GBE1: variants seen among roughly 807,000 people sequenced by gnomAD.
GBE1 encodes 1,4-alpha-glucan branching enzyme 1.
In GBE1, 70 loss-of-function variants were observed where a neutral mutation model predicts 88.8. The ratio of observed to expected loss-of-function variants is 0.79; its 90% CI spans 0.65 to 0.96. The LOEUF (loss-of-function observed/expected upper bound fraction) is 0.96. GBE1 is among the 40% of genes least tolerant of loss of function. The pLI is 0.00. For synonymous variants in GBE1, 284 were observed against 300.1 expected, an observed-to-expected ratio of 0.95 and a Z score of 0.56; for missense variants, 872 against 871.0, an observed-to-expected ratio of 1.00 and a Z score of -0.01.
intron 2 of GBE1, among the ~76,000 whole-genome samples, chr3:81,674,360 T>C (rs1452960092): frequency 6.6e-6 from 1 of 151,884 alleles, no homozygotes; most frequent in Non-Finnish European, 1.5e-5. Flanking sequence ...AACAGAATAA[T>C]CAGGAAAATC....
chr3:81,631,416 T>C (rs1576177631), intron 7 of GBE1, among the ~76,000 whole-genome samples: 3 of 151,930 alleles, frequency 2.0e-5, no homozygotes, highest in African/African-American at 7.3e-5. Context: ...CCGGTAACTT[T>C]AACTTAATCT....
rs1706510229 is a variant in GBE1 at position 81,750,655 on chromosome 3, A to ACACG, written c.143+10719_143+10720insCGTG. 7.3e-5 allele frequency among the ~76,000 whole-genome samples: 4 copies of ACACG among 54,670 alleles called. 1 individual carries two copies. Among genetic ancestry groups the ACACG allele is most frequent in the African/African-American group, 5.7e-4 (4 of 6,974 alleles). The allele number at this position is 54,670 out of a possible 152,430, so 35.9% of individuals were successfully genotyped here. ...CGTATATATATATATGTATATATAT[A>ACACG]TATGTATATATATATATACGTATAT... On this transcript the variant is annotated intron_variant, in intron 1 of 15. Transcript: ENST00000429644.
chr3:81,743,426 A>T lies in GBE1; in HGVS notation c.143+17949T>A, dbSNP rs1706378262. On this transcript the variant is annotated intron_variant, in intron 1 of 15. Transcript: ENST00000429644. Reference sequence around the variant, plus strand: ...ATAAAAAGACACAAGGCACACACACAATCATGAACACACATACACCCCCAC... The same window carrying T: ...ATAAAAAGACACAAGGCACACACACTATCATGAACACACATACACCCCCAC... The T allele has an allele frequency of 3.4e-5, 21 of 611,890 alleles. 1 individual carries two copies. In the South Asian group the frequency reaches 3.7e-4, roughly 11 times the overall value. 37.9% of individuals were successfully genotyped at this position (611,890 alleles called of 1,614,324 possible).
intron 7 of GBE1, among the ~76,000 whole-genome samples, chr3:81,628,217 T>C (rs567666897): frequency 2.1e-3 from 322 of 152,268 alleles, no homozygotes; most frequent in Non-Finnish European, 4.1e-3. Flanking sequence ...TTGTGTATCA[T>C]CCTCTTTAGA....
chr3:81,646,371 A>G, intron 6 of GBE1, 21 bp downstream of exon 6: 1 of 1,442,314 alleles, frequency 6.9e-7, no homozygotes, highest in Non-Finnish European at 9.6e-7. Context: ...AAAAATGAAC[A>G]CAATGAGTCT....
chr3:81,671,875 C>A (rs181438158), intron 2 of GBE1, among the ~76,000 whole-genome samples: 1 of 151,844 alleles, frequency 6.6e-6, no homozygotes, highest in Non-Finnish European at 1.5e-5. Flanking sequence ...ACAAGACAAG[C>A]TATAAATTGG....
intron 1 of GBE1, among the ~76,000 whole-genome samples, chr3:81,738,786 G>C (rs1450197414): frequency 6.6e-6 from 1 of 152,088 alleles, no homozygotes; most frequent in Non-Finnish European, 1.5e-5. Context: ...TGTTGATAAA[G>C]CTGGTATTAT....
chr3:81,611,990 C>T (rs944742346), intron 7 of GBE1, among the ~76,000 whole-genome samples: 2 of 152,026 alleles, frequency 1.3e-5, no homozygotes, highest in African/African-American at 2.4e-5. Flanking sequence ...GCATTTTTGA[C>T]ATCATGCCTA....
intron 12 of GBE1, among the ~76,000 whole-genome samples, chr3:81,568,982 AC>A (rs889924617): frequency 5.3e-5 from 8 of 151,622 alleles, no homozygotes; most frequent in Admixed American, 2.0e-4. Flanking sequence ...TCCAGCTACC[AC>A]CCCCCCAAAA....
chr3:81,716,128 T>G (rs1243981020), intron 1 of GBE1, among the ~76,000 whole-genome samples: 1 of 152,110 alleles, frequency 6.6e-6, no homozygotes, highest in Non-Finnish European at 1.5e-5. Flanking sequence ...CAGTCCACAT[T>G]TAAGAAAAAA....
In GBE1 at chr3:81,604,001, C is replaced by A; in HGVS notation, c.993-9978G>T. ...AAAAATATTATAAAACCAAATTCAA[C>A]CAGCACCGAATCCCACAATCTCAAT... On this transcript the variant is annotated intron_variant, in intron 7 of 15. Transcript: ENST00000429644. Among the ~76,000 whole-genome samples the A allele has an allele frequency of 2.0e-5, 3 of 152,050 alleles. No individual in the cohort carries two copies. The Middle Eastern group carries it at 0.01, about 517-fold the overall frequency.
At chr3:81,645,826 G>C (rs1457480743) in intron 6 of GBE1, among the ~76,000 whole-genome samples, 1 of 152,182 alleles carries the variant, frequency 6.6e-6, no homozygotes, top group African/African-American at 2.4e-5. Flanking sequence ...GATGATGGGA[G>C]CAATGTCTAT....
intron 12 of GBE1, among the ~76,000 whole-genome samples, chr3:81,538,768 G>A (rs933237950): frequency 5.9e-5 from 9 of 152,030 alleles, no homozygotes; most frequent in East Asian, 3.9e-4. Context: ...AAGGACTAGC[G>A]GGATTTTAAC....
intron 12 of GBE1, among the ~76,000 whole-genome samples, chr3:81,550,181 A>G (rs2106892706): frequency 6.6e-6 from 1 of 151,674 alleles, no homozygotes; most frequent in Non-Finnish European, 1.5e-5. Context: ...CTTTTGGAAT[A>G]CATCGCTGTT....
intron 2 of GBE1, among the ~76,000 whole-genome samples, chr3:81,682,394 C>A (rs1705359888): frequency 6.6e-6 from 1 of 152,006 alleles, no homozygotes; most frequent in Non-Finnish European, 1.5e-5. Context: ...CCCAGAAGGT[C>A]AAGGCTGCAG....
intron 1 of GBE1, among the ~76,000 whole-genome samples, chr3:81,744,371 T>C (rs1231277348): frequency 6.6e-6 from 1 of 152,162 alleles, no homozygotes; most frequent in Non-Finnish European, 1.5e-5. Context: ...CCTTTTTTAA[T>C]GTGGCTACTA....
chr3:81,546,852 A>G (rs1209347377), intron 12 of GBE1, among the ~76,000 whole-genome samples: 6 of 151,198 alleles, frequency 4.0e-5, no homozygotes, highest in Admixed American at 2.6e-4. Flanking sequence ...ACTTTACTCT[A>G]TGGACTCTCC....
intron 12 of GBE1, among the ~76,000 whole-genome samples, chr3:81,572,647 C>T (rs1221369577): frequency 1.3e-5 from 2 of 152,002 alleles, no homozygotes; most frequent in African/African-American, 4.8e-5. Flanking sequence ...TTATGCTTTA[C>T]TTGATATTTT....
intron 15 of GBE1, 49 bp downstream of exon 15, chr3:81,499,061 T>G (rs1576121006): frequency 1.0e-5 from 9 of 900,224 alleles, no homozygotes; most frequent in Non-Finnish European, 1.4e-5. Context: ...ATTACTATAA[T>G]AAAAGAGTAA....
Sources: allele counts gnomAD v4.1 joint callset (sites outside exome capture counted in the v4.1 genomes callset), GRCh38; gene constraint gnomAD v4.1.1; transcripts MANE v1.5; gene names NCBI Gene and HGNC (gene_info 2026-07-23, HGNC 2026-07-21).